Variants in ADGRD1 observed in about 807,000 individuals in gnomAD.
ADGRD1 encodes the protein adhesion G protein-coupled receptor D1.
Under a neutral mutation model 113.4 loss-of-function variants are expected in ADGRD1, and 77 were observed. The observed-to-expected ratio is 0.68, with a 90% CI of 0.57 to 0.82. The LOEUF (loss-of-function observed/expected upper bound fraction) is 0.82, where lower values mean the gene tolerates loss of function less well. Among genes scored for constraint, ADGRD1 ranks in the 40% least tolerant of loss-of-function variants. The pLI, the probability that ADGRD1 is intolerant of heterozygous loss-of-function variation, is 0.00. For synonymous variants in ADGRD1, 474 were observed against 475.0 expected (o/e 1.00, Z 0.03); for missense variants, 1,036 against 1,139.1 (o/e 0.91, Z 1.30).
chr12:130,999,383 A>C (rs1381612711), intron 8 of ADGRD1, among the ~76,000 whole-genome samples: 1 of 152,216 alleles, frequency 6.6e-6, no homozygotes, highest in Non-Finnish European at 1.5e-5. Flanking sequence ...CAGTGAAGGC[A>C]GGATGGTGAT....
rs868760437 is a variant in ADGRD1 at position 130,997,275 on chromosome 12, C to G, written c.967-3108C>G. On this transcript the variant is annotated intron_variant, in intron 8 of 24. Transcript: ENST00000261654. ...GGCTGGGCAGAGGCGCCCGTCACCT[C>G]CCGGACGGGGCAGCTGGCCTGGCGG... 1.5e-4 allele frequency among the ~76,000 whole-genome samples: 22 copies of G among 150,110 alleles called. No homozygotes were observed. In the East Asian group the frequency reaches 4.2e-3, roughly 29 times the overall value.
chr12:131,121,044 C>A, intron 20 of ADGRD1, 131 bp downstream of exon 20: 1 of 758,926 alleles, frequency 1.3e-6, no homozygotes, highest in Non-Finnish European at 2.2e-6. Flanking sequence ...CTCGGTCACT[C>A]CTCGCTAGGG....
intron 12 of ADGRD1, among the ~76,000 whole-genome samples, chr12:131,013,859 C>T (rs1282745275): frequency 1.2e-4 from 18 of 152,206 alleles, no homozygotes; most frequent in Non-Finnish European, 2.9e-5. Context: ...TTCTGCTCAT[C>T]CATGCTTCCT....
At chr12:130,998,398 C>T (rs192737523) in intron 8 of ADGRD1, among the ~76,000 whole-genome samples, 79 of 152,272 alleles carry the variant, frequency 5.2e-4, no homozygotes, top group Non-Finnish European at 6.8e-4. Flanking sequence ...GATCTCTGAC[C>T]TGATGAGAAG....
At chr12:131,069,886 G>A (rs1440571720) in intron 13 of ADGRD1, 2 of 152,166 alleles carry the variant, frequency 1.3e-5, no homozygotes, top group East Asian at 1.9e-4. Flanking sequence ...TATTTAAAAC[G>A]TGTTAATTAT....
intron 14 of ADGRD1, among the ~76,000 whole-genome samples, chr12:131,083,878 G>A (rs1460152291): frequency 6.6e-6 from 1 of 152,192 alleles, no homozygotes; most frequent in East Asian, 1.9e-4. Flanking sequence ...GTAACACCGT[G>A]GGGAGTTTCT....
At chr12:130,988,985 G>A (rs532127774) in intron 6 of ADGRD1, 1 of 152,474 alleles carries the variant, frequency 6.6e-6, no homozygotes, top group African/African-American at 2.4e-5. Flanking sequence ...GGGACTCCCA[G>A]GGGACAATCA....
At chr12:131,129,534 T>C (rs116841060) in intron 20 of ADGRD1, among the ~76,000 whole-genome samples, 2,280 of 151,058 alleles carry the variant, frequency 0.015, 21 homozygotes, top group Non-Finnish European at 0.022. Flanking sequence ...TGTCTCGGTG[T>C]GGACGTTCAG....
At chr12:131,132,921 C>A (rs892314750) in intron 21 of ADGRD1, among the ~76,000 whole-genome samples, 1 of 152,198 alleles carries the variant, frequency 6.6e-6, no homozygotes, top group African/African-American at 2.4e-5. Context: ...GCAAAAGTGG[C>A]AAATATGTCA....
rs1951000239 is a variant in ADGRD1 at position 131,133,843 on chromosome 12, GCAC to G, written c.2267+2029_2267+2031del. Among the ~76,000 whole-genome samples, 6 of 152,188 alleles carry G rather than the reference GCAC, an allele frequency of 3.9e-5. 1 individual carries two copies. In the South Asian group the frequency reaches 1.0e-3, roughly 26 times the overall value. On this transcript the variant is annotated intron_variant, in intron 21 of 24. Transcript: ENST00000261654. ...ACTGCATCGTGAGGAAGCTTCCCCA[GCAC>G]CTTGCTATTCTTCATCCTCTGGTTT...
chr12:130,964,745 T>C (rs1441412101), intron 2 of ADGRD1, among the ~76,000 whole-genome samples: 2 of 152,226 alleles, frequency 1.3e-5, no homozygotes, highest in Non-Finnish European at 2.9e-5. Context: ...TGAATTTCCA[T>C]ATGTACTTAG....
At chr12:131,101,034 C>T (rs1950059871) in intron 15 of ADGRD1, among the ~76,000 whole-genome samples, 1 of 152,176 alleles carries the variant, frequency 6.6e-6, no homozygotes, top group Admixed American at 6.5e-5. Flanking sequence ...GTTCTTAGAG[C>T]TGCGAGATGA....
rs1593205887 is a variant in ADGRD1, at chr12:131,096,400, C to A, written c.1672-8431C>A. Among the ~76,000 whole-genome samples, 5 of 152,170 alleles carry A rather than the reference C, an allele frequency of 3.3e-5. No individual in the cohort carries two copies. The highest frequency in any genetic ancestry group is 3.3e-4 in the Admixed American group (5 of 15,270). ...CAGCTGAGACTAGAGGTGTGCACCA[C>A]CATGCCTGGCAAGATAGCACACTTT... On this transcript the variant is annotated intron_variant, in intron 15 of 24. Coordinates refer to ENST00000261654, the MANE Select transcript of ADGRD1 (RefSeq NM_198827.5). This position sits in a 1 kb window ranked among gnomAD's most constrained non-coding sequence, Gnocchi z 5.2.
chr12:131,084,544 G>A lies in ADGRD1; in HGVS notation c.1552G>A (p.Gly518Arg), dbSNP rs779213107. 33 of 1,613,972 alleles carry A rather than the reference G, an allele frequency of 2.0e-5. No homozygotes were observed. The highest frequency in any genetic ancestry group is 1.3e-4 in the African/African-American group (10 of 74,912). ...VYCAFLDFSSGEGVWSNHGCA... is the reference protein window; with the variant it reads ...VYCAFLDFSSREGVWSNHGCA... Reference sequence around the variant, plus strand: ...TCCTTTCTCCTGTGTCCTCAGCTCCGGAGAAGGGGTCTGGTCGAACCACGG... The same window carrying A: ...TCCTTTCTCCTGTGTCCTCAGCTCCAGAGAAGGGGTCTGGTCGAACCACGG... Residue 518 changes from glycine (G) to arginine (R), a missense_variant, in exon 15 of 25, where the codon GGA becomes AGA. Physicochemically the swap from Gly to Arg is moderately radical, Grantham distance 125. Transcript: ENST00000261654. This position sits in a 1 kb window ranked among gnomAD's most constrained non-coding sequence, Gnocchi z 4.5.
At chr12:131,095,191 C>T (rs142200421) in intron 15 of ADGRD1, among the ~76,000 whole-genome samples, 59 of 152,376 alleles carry the variant, frequency 3.9e-4, no homozygotes, top group Non-Finnish European at 7.9e-4. Context: ...ACCTGCACTT[C>T]GAGGTGGAGC....
intron 13 of ADGRD1, among the ~76,000 whole-genome samples, chr12:131,040,480 T>C (rs1882010094): frequency 6.6e-6 from 1 of 152,246 alleles, no homozygotes; most frequent in South Asian, 2.1e-4. Flanking sequence ...ATGCATTATA[T>C]ACTTAACTAT....
intron 6 of ADGRD1, chr12:130,988,268 C>T (rs898989474): frequency 1.3e-5 from 2 of 152,208 alleles, no homozygotes; most frequent in East Asian, 1.9e-4. Context: ...CTTTCCCCTA[C>T]AATTCCATTT....
rs954105872 is a variant in ADGRD1, at chr12:131,124,255, A to G, written c.2175+3342A>G. The stretch of plus-strand genomic sequence containing the variant: ...GAAAGCAGGTTTTGGGATAACAAGT[A>G]TAGCATGACCCCATTTGTTTAAAAA... On this transcript the variant is annotated intron_variant, in intron 20 of 24. Transcript: ENST00000261654. Among the ~76,000 whole-genome samples the G allele has an allele frequency of 2.0e-5, 3 of 152,230 alleles. 1 individual carries two copies. The highest frequency in any genetic ancestry group is 4.1e-4 in the South Asian group (2 of 4,830).
chr12:131,070,904 C>T (rs767018086), intron 13 of ADGRD1: 9 of 518,888 alleles, frequency 1.7e-5, no homozygotes, highest in Non-Finnish European at 2.7e-5. Context: ...AGTCTGCCAT[C>T]CAGGATGGTG....
Sources: gnomAD v4.1 joint callset for allele counts (sites outside exome capture counted in the v4.1 genomes callset) on GRCh38, gnomAD v4.1.1 for gene constraint, Gnocchi (gnomAD v3.1) non-coding constraint, MANE v1.5 for transcripts, NCBI Gene and HGNC (gene_info 2026-07-23, HGNC 2026-07-21) for gene names.